FTO: variants seen among roughly 807,000 people sequenced by gnomAD.
FTO encodes FTO alpha-ketoglutarate dependent dioxygenase.
A neutral mutation model predicts 63.9 loss-of-function variants in FTO; 47 were observed. The ratio of observed to expected loss-of-function variants is 0.74; its 90% CI spans 0.58 to 0.94. The LOEUF (loss-of-function observed/expected upper bound fraction) is 0.94, where lower values mean the gene tolerates loss of function less well. FTO is among the 40% of genes least tolerant of loss of function. The pLI, the probability that FTO is intolerant of heterozygous loss-of-function variation, is 0.00. For synonymous variants in FTO, 207 were observed against 224.4 expected, an observed-to-expected ratio of 0.92 and a Z score of 0.69; for missense variants, 562 against 618.1, an observed-to-expected ratio of 0.91 and a Z score of 0.96.
intron 2 of FTO, among the ~76,000 whole-genome samples, chr16:53,824,490 G>C (rs945452133): frequency 2.6e-5 from 4 of 152,084 alleles, no homozygotes; most frequent in African/African-American, 9.7e-5. Context: ...TTCTGTCTTA[G>C]TACTTAACAC....
intron 8 of FTO, among the ~76,000 whole-genome samples, chr16:54,088,837 A>G (rs2144544690): frequency 6.6e-6 from 1 of 152,310 alleles, no homozygotes; most frequent in East Asian, 1.9e-4. Flanking sequence ...CCTTCCACAC[A>G]GTATTCAGTT....
chr16:54,105,773 G>C (rs906501353), intron 8 of FTO, among the ~76,000 whole-genome samples: 2 of 74,812 alleles, frequency 2.7e-5, no homozygotes, highest in Non-Finnish European at 4.8e-5. Flanking sequence ...GTTCTAGTCT[G>C]TGTGTGTGTG....
At chr16:53,922,963 A>C (rs1281885359) in intron 7 of FTO, 1 of 152,186 alleles carries the variant, frequency 6.6e-6, no homozygotes, top group East Asian at 1.9e-4. Flanking sequence ...TCTCTTGGTA[A>C]GACTAATTAT....
intron 8 of FTO, among the ~76,000 whole-genome samples, chr16:54,102,261 AG>A (rs2086657146): frequency 6.6e-6 from 1 of 152,220 alleles, no homozygotes; most frequent in Admixed American, 6.5e-5. Context: ...TTCATGAAAA[AG>A]ACACCAAAAG....
intron 6 of FTO, among the ~76,000 whole-genome samples, chr16:53,888,331 G>A (rs1598914072): frequency 1.5e-5 from 1 of 67,902 alleles, no homozygotes; most frequent in East Asian, 1.0e-3. Context: ...AGCCTCCCAA[G>A]CAGCCAGGAC....
chr16:54,110,842 C>A (rs775079931), intron 8 of FTO, among the ~76,000 whole-genome samples: 66 of 152,188 alleles, frequency 4.3e-4, no homozygotes, highest in Non-Finnish European at 8.5e-4. Flanking sequence ...GCCACGTACT[C>A]CAGGAGAGTC....
At chr16:53,727,342 TTGGTCTCTATGTAG>T (rs1259917885) in intron 1 of FTO, among the ~76,000 whole-genome samples, 3 of 152,346 alleles carry the variant, frequency 2.0e-5, no homozygotes, top group African/African-American at 7.2e-5. Context: ...AACGTTTACT[TTGGTCTCTATGTAG>T]TGTTGCAAAG....
intron 5 of FTO, among the ~76,000 whole-genome samples, chr16:53,875,673 G>T (rs2151882741): frequency 6.6e-6 from 1 of 152,294 alleles, no homozygotes; most frequent in Admixed American, 6.5e-5. Context: ...TTGATTGTAG[G>T]AACTACTATT....
At position 53,708,558 on chromosome 16, in the gene FTO, T is replaced by TTATG. The variant is rs202193048; in HGVS notation, c.45+4330_45+4333dup. The stretch of plus-strand genomic sequence containing the variant: ...ATACTTAGGAGTGGAATTACAGGAC[T>TTATG]TATGGTAAATCTATGTTTAACATTT... On this transcript the variant is annotated intron_variant, in intron 1 of 8. Transcript: ENST00000471389. Among the ~76,000 whole-genome samples, 960 of 152,356 alleles carry TTATG rather than the reference T, an allele frequency of 6.3e-3. 18 individuals carry two copies. Among genetic ancestry groups the TTATG allele is most frequent in the Admixed American group, 0.052 (803 of 15,296 alleles).
Position 53,726,187 on chromosome 16 carries a change from A to G in FTO, c.45+21958A>G, listed in dbSNP as rs2076149388. ...ACGATTTTATAAACACTCTAAAAAAATATAAAACGTGTCGATGAACTACTG... is the reference window on the plus strand; with the variant it reads ...ACGATTTTATAAACACTCTAAAAAAGTATAAAACGTGTCGATGAACTACTG... On this transcript the variant is annotated intron_variant, in intron 1 of 8. Transcript: ENST00000471389. Among the ~76,000 whole-genome samples, 3 of 152,348 alleles carry G rather than the reference A, an allele frequency of 2.0e-5. No homozygotes were observed. In the South Asian group the frequency reaches 6.2e-4, roughly 32 times the overall value.
intron 8 of FTO, chr16:53,992,456 G>A (rs2083833219): frequency 6.6e-6 from 1 of 152,012 alleles, no homozygotes; most frequent in African/African-American, 2.4e-5. Context: ...CCTTTCTGCT[G>A]GACATCCTGT....
Position 53,847,542 on chromosome 16 carries a change from CGGAT to C in FTO, c.895+3245_895+3248del, listed in dbSNP as rs2079662042. On this transcript the variant is annotated intron_variant, in intron 4 of 8. Transcript: ENST00000471389. ...CTGCACTTTGGGAGGCTGAGGTGGG[CGGAT>C]CACCTGAGGTCAAGAGTTTGAGACC... 2.6e-5 allele frequency among the ~76,000 whole-genome samples: 4 copies of C among 152,096 alleles called. No homozygotes were observed. The South Asian group carries it at 8.3e-4, about 32-fold the overall frequency.
chr16:53,786,896 G>A (rs2077755151), intron 1 of FTO, among the ~76,000 whole-genome samples: 1 of 151,848 alleles, frequency 6.6e-6, no homozygotes, highest in Admixed American at 6.6e-5. Flanking sequence ...CAGATCATGA[G>A]GTCAATAGAT....
At chr16:53,989,331 A>C (rs1343633661) in intron 8 of FTO, among the ~76,000 whole-genome samples, 1 of 152,208 alleles carries the variant, frequency 6.6e-6, no homozygotes, top group African/African-American at 2.4e-5. Flanking sequence ...CAACCTGGTC[A>C]CCAGCAGACG....
chr16:54,030,499 T>A (rs565131210), intron 8 of FTO, among the ~76,000 whole-genome samples: 3 of 152,208 alleles, frequency 2.0e-5, no homozygotes, highest in Non-Finnish European at 2.9e-5. Flanking sequence ...TTGGACAATT[T>A]GAGTGTTCTC....
At chr16:53,784,780 T>C (rs1567983571) in intron 1 of FTO, among the ~76,000 whole-genome samples, 1 of 152,144 alleles carries the variant, frequency 6.6e-6, no homozygotes, top group Admixed American at 6.5e-5. Flanking sequence ...GAAAAAAAAT[T>C]GGACTATATT....
Position 54,044,708 on chromosome 16 carries a change from G to C in FTO, c.1365-67054G>C, listed in dbSNP as rs1303905152. On this transcript the variant is annotated intron_variant, in intron 8 of 8. Coordinates refer to ENST00000471389, the MANE Select transcript of FTO (RefSeq NM_001080432.3). Reference sequence around the variant, plus strand: ...TCCAAAATTGACCACATAGTTGGAAGTAAAGCTCTCCTCAGCAAACGTAAA... The same window carrying C: ...TCCAAAATTGACCACATAGTTGGAACTAAAGCTCTCCTCAGCAAACGTAAA... Among the ~76,000 whole-genome samples, 44 of 64,630 alleles carry C rather than the reference G, an allele frequency of 6.8e-4. 1 individual carries two copies. The highest frequency in any genetic ancestry group is 1.0e-3 in the Non-Finnish European group (42 of 41,482). The allele number at this position is 64,630 out of a possible 152,430, so 42.4% of individuals were successfully genotyped here.
intron 8 of FTO, among the ~76,000 whole-genome samples, chr16:53,989,291 A>C (rs2083746079): frequency 6.6e-6 from 1 of 152,204 alleles, no homozygotes; most frequent in African/African-American, 2.4e-5. Context: ...GGCCTGTTAC[A>C]ATAGTTAAGG....
chr16:53,913,970 C>A (rs1252216568), intron 7 of FTO, among the ~76,000 whole-genome samples: 1 of 147,512 alleles, frequency 6.8e-6, no homozygotes, highest in East Asian at 2.0e-4. Flanking sequence ...CAGAGTGAGG[C>A]TCTGTCTCAA....
Sources: gnomAD v4.1 joint callset for allele counts (sites outside exome capture counted in the v4.1 genomes callset) on GRCh38, gnomAD v4.1.1 for gene constraint, MANE v1.5 for transcripts, NCBI Gene and HGNC (gene_info 2026-07-23, HGNC 2026-07-21) for gene names.